IQCM: variants seen among roughly 807,000 people sequenced by gnomAD.
IQCM encodes the protein IQ domain-containing protein M.
Under a neutral mutation model 57.6 loss-of-function variants are expected in IQCM, and 45 were observed. The ratio of observed to expected loss-of-function variants is 0.78; its 90% CI spans 0.62 to 1.00. The LOEUF (loss-of-function observed/expected upper bound fraction) is 1.00, where lower values mean the gene tolerates loss of function less well. Ranked by LOEUF, IQCM falls within the 50% of genes least tolerant of loss-of-function variation. IQCM has a pLI of 0.00. For synonymous variants in IQCM, 148 were observed against 158.9 expected (o/e 0.93, Z 0.51); for missense variants, 468 against 511.6 (o/e 0.91, Z 0.82).
intron 2 of IQCM, among the ~76,000 whole-genome samples, chr4:149,765,964 G>A (rs373756610): frequency 1.1e-4 from 16 of 152,056 alleles, no homozygotes; most frequent in African/African-American, 2.9e-4. Context: ...CCAATTAGCA[G>A]CACCCATTTC....
intron 2 of IQCM, among the ~76,000 whole-genome samples, chr4:149,809,265 G>GA (rs11393082): frequency 0.15 from 21,287 of 144,590 alleles, 2,895 homozygotes; most frequent in East Asian, 0.38. Flanking sequence ...GTCTCAAAAA[G>GA]AAAAAAAAAA....
intron 7 of IQCM, among the ~76,000 whole-genome samples, chr4:149,659,428 G>A (rs1337104768): frequency 6.6e-6 from 1 of 152,046 alleles, no homozygotes; most frequent in African/African-American, 2.4e-5. Context: ...CAGATTCAAT[G>A]CCATCTCCAT....
chr4:149,405,842 T>C (rs994810327), intron 13 of IQCM, among the ~76,000 whole-genome samples: 9 of 147,014 alleles, frequency 6.1e-5, no homozygotes, highest in South Asian at 2.1e-4. Flanking sequence ...TATATATATA[T>C]ATATATATGC....
intron 12 of IQCM, among the ~76,000 whole-genome samples, chr4:149,434,089 C>T (rs1347634063): frequency 3.3e-5 from 5 of 152,050 alleles, no homozygotes; most frequent in Admixed American, 6.6e-5. Flanking sequence ...ATTCCTAGTG[C>T]TTTAAAATAT....
chr4:149,376,227 A>C (rs1187299076), intron 13 of IQCM, among the ~76,000 whole-genome samples: 1 of 152,186 alleles, frequency 6.6e-6, no homozygotes, highest in African/African-American at 2.4e-5. Context: ...TTTGTGACTC[A>C]GATCTCAATA....
intron 13 of IQCM, among the ~76,000 whole-genome samples, chr4:149,368,200 T>G (rs899524962): frequency 6.6e-6 from 1 of 152,088 alleles, no homozygotes; most frequent in African/African-American, 2.4e-5. Context: ...CTCTCTAGAT[T>G]GGCTTCCAGA....
chr4:149,483,286 A>G (rs1180942049), intron 12 of IQCM, among the ~76,000 whole-genome samples: 3 of 151,504 alleles, frequency 2.0e-5, no homozygotes, highest in South Asian at 4.1e-4. Context: ...TGCTCTGACC[A>G]TCATTATTTC....
At chr4:149,495,138 G>T (rs1451473625) in intron 12 of IQCM, among the ~76,000 whole-genome samples, 1 of 152,048 alleles carries the variant, frequency 6.6e-6, no homozygotes. Flanking sequence ...TACAGAGAAA[G>T]AAAAAGAATG....
intron 7 of IQCM, among the ~76,000 whole-genome samples, chr4:149,669,316 T>C (rs549793552): frequency 3.3e-5 from 5 of 152,204 alleles, no homozygotes; most frequent in Non-Finnish European, 5.9e-5. Flanking sequence ...TGCCCACTTT[T>C]TGATGGGGTT....
intron 13 of IQCM, among the ~76,000 whole-genome samples, chr4:149,379,340 C>T (rs1730918566): frequency 6.6e-6 from 1 of 152,144 alleles, no homozygotes; most frequent in African/African-American, 2.4e-5. Flanking sequence ...GCACCCTGCA[C>T]ATGGAAAATC....
chr4:149,786,964 G>A (rs1434333535), intron 2 of IQCM, among the ~76,000 whole-genome samples: 1 of 152,172 alleles, frequency 6.6e-6, no homozygotes, highest in Non-Finnish European at 1.5e-5. Context: ...TAAAGAAAAT[G>A]TAGTACATAT....
intron 12 of IQCM, among the ~76,000 whole-genome samples, chr4:149,532,566 T>G (rs1041478624): frequency 6.6e-5 from 10 of 152,048 alleles, no homozygotes; most frequent in Non-Finnish European, 1.0e-4. Flanking sequence ...AATCATTTCT[T>G]TTTATCACTA....
intron 13 of IQCM, among the ~76,000 whole-genome samples, chr4:149,357,797 T>C (rs532407332): frequency 7.6e-4 from 115 of 152,284 alleles, no homozygotes; most frequent in Non-Finnish European, 1.0e-3. Flanking sequence ...TTTCTGTTGA[T>C]TGGAATAGTT....
chr4:149,803,443 C>G (rs77155959), intron 2 of IQCM, among the ~76,000 whole-genome samples: 1 of 151,882 alleles, frequency 6.6e-6, no homozygotes, highest in Admixed American at 6.6e-5. Context: ...CCTCATTGAG[C>G]CTTTCTTTGA....
intron 12 of IQCM, among the ~76,000 whole-genome samples, chr4:149,541,256 C>T (rs1389138415): frequency 6.6e-6 from 1 of 152,012 alleles, no homozygotes; most frequent in African/African-American, 2.4e-5. Context: ...AGTCAGAAAA[C>T]CTAAAATGAT....
chr4:149,484,884 T>C (rs1741303051), intron 12 of IQCM, among the ~76,000 whole-genome samples: 1 of 152,112 alleles, frequency 6.6e-6, no homozygotes, highest in South Asian at 2.1e-4. Context: ...CATTTGGTAT[T>C]GATGAAATCC....
intron 12 of IQCM, among the ~76,000 whole-genome samples, chr4:149,478,048 G>A (rs1024471694): frequency 9.2e-5 from 14 of 152,130 alleles, no homozygotes; most frequent in African/African-American, 3.4e-4. Context: ...TCATGGGGTT[G>A]TTTTGTGGAA....
intron 12 of IQCM, among the ~76,000 whole-genome samples, chr4:149,501,806 G>A (rs1743272829): frequency 6.6e-6 from 1 of 152,138 alleles, no homozygotes; most frequent in South Asian, 2.1e-4. Flanking sequence ...TGATTGCCCT[G>A]CAAGACCCAG....
At chr4:149,622,349 A>AT (rs897684407) in intron 7 of IQCM, among the ~76,000 whole-genome samples, 18 of 146,898 alleles carry the variant, frequency 1.2e-4, no homozygotes, top group South Asian at 4.2e-4. Flanking sequence ...ATTCTTTTTT[A>AT]TTTTTTTTTT....
Sources: allele counts gnomAD v4.1 joint callset (sites outside exome capture counted in the v4.1 genomes callset), GRCh38; gene constraint gnomAD v4.1.1; transcripts MANE v1.5; gene names NCBI Gene and HGNC (gene_info 2026-07-23, HGNC 2026-07-21).